Variants in SETBP1 observed in about 807,000 individuals in gnomAD.
SETBP1 encodes SET-binding protein.
Under a neutral mutation model 101.0 loss-of-function variants are expected in SETBP1, and 9 were observed. The observed-to-expected ratio is 0.09, with a 90% confidence interval of 0.05 to 0.16. SETBP1 has a LOEUF of 0.16. Among genes scored for constraint, SETBP1 ranks in the 10% least tolerant of loss-of-function variants. SETBP1 has a pLI of 1.00. For synonymous variants in SETBP1, 818 were observed against 788.5 expected, an observed-to-expected ratio of 1.04 and a Z score of -0.63; for missense variants, 1,858 against 2,033.8, an observed-to-expected ratio of 0.91 and a Z score of 1.66.
At chr18:45,059,547 C>T (rs1324666104) in intron 5 of SETBP1, among the ~76,000 whole-genome samples, 1 of 152,176 alleles carries the variant, frequency 6.6e-6, no homozygotes, top group African/African-American at 2.4e-5. Context: ...TGTCTAGAGT[C>T]TCCCACAGTC....
intron 3 of SETBP1, among the ~76,000 whole-genome samples, chr18:44,938,958 A>ATG (rs111916615): frequency 0.025 from 3,615 of 147,166 alleles, 67 homozygotes; most frequent in African/African-American, 0.039. Context: ...GAGTGTGTGC[A>ATG]TGTGTGTGTG....
At chr18:44,817,053 C>G (rs945505399) in intron 2 of SETBP1, among the ~76,000 whole-genome samples, 1 of 152,186 alleles carries the variant, frequency 6.6e-6, no homozygotes, top group Non-Finnish European at 1.5e-5. Flanking sequence ...GGTGCATACC[C>G]TCAATCGACA....
chr18:44,841,392 C>T (rs2072613120), intron 2 of SETBP1, among the ~76,000 whole-genome samples: 1 of 152,168 alleles, frequency 6.6e-6, no homozygotes, highest in African/African-American at 2.4e-5. Context: ...CCTTTATGAC[C>T]TTGTCTTGGA....
At chr18:44,994,453 A>G (rs1393908604) in intron 4 of SETBP1, among the ~76,000 whole-genome samples, 1 of 152,188 alleles carries the variant, frequency 6.6e-6, no homozygotes, top group Non-Finnish European at 1.5e-5. Flanking sequence ...GTTGACACAA[A>G]AATTTTGAAA....
chr18:44,849,160 A>G (rs2072794949), intron 2 of SETBP1, among the ~76,000 whole-genome samples: 1 of 152,184 alleles, frequency 6.6e-6, no homozygotes. Flanking sequence ...GGAAATTGGC[A>G]CAGAGCCCGT....
intron 2 of SETBP1, among the ~76,000 whole-genome samples, chr18:44,712,938 T>G (rs1297852526): frequency 6.7e-6 from 1 of 148,336 alleles, no homozygotes; most frequent in Non-Finnish European, 1.5e-5. Flanking sequence ...TGAGCATTTC[T>G]CTTTCAGCAT....
intron 3 of SETBP1, chr18:44,876,827 C>A (rs962533607): frequency 2.5e-5 from 36 of 1,432,928 alleles, no homozygotes; most frequent in Non-Finnish European, 3.3e-5. Context: ...GAGACTTGCC[C>A]AAGATTGTAA....
At chr18:44,849,127 T>C (rs549273190) in intron 2 of SETBP1, among the ~76,000 whole-genome samples, 64 of 152,192 alleles carry the variant, frequency 4.2e-4, no homozygotes, top group Admixed American at 1.2e-3. Flanking sequence ...TGCCAGAACG[T>C]CCCCCATCTG....
At chr18:44,824,922 CA>C (rs1198296275) in intron 2 of SETBP1, among the ~76,000 whole-genome samples, 1 of 152,234 alleles carries the variant, frequency 6.6e-6, no homozygotes, top group Non-Finnish European at 1.5e-5. Context: ...GGTCTTGCTG[CA>C]GCCATGGCGA....
chr18:44,769,320 C>G (rs947147587), intron 2 of SETBP1, among the ~76,000 whole-genome samples: 1 of 152,212 alleles, frequency 6.6e-6, no homozygotes, highest in African/African-American at 2.4e-5. Flanking sequence ...CAAGTCTTTA[C>G]TCTTTAGTAT....
chr18:44,787,194 T>C (rs2144709035), intron 2 of SETBP1, among the ~76,000 whole-genome samples: 1 of 152,332 alleles, frequency 6.6e-6, no homozygotes, highest in Middle Eastern at 3.4e-3. Context: ...GAAAGGGTGC[T>C]GGTGTGTAGG....
intron 3 of SETBP1, among the ~76,000 whole-genome samples, chr18:44,885,471 G>A (rs895527700): frequency 5.3e-5 from 8 of 151,982 alleles, no homozygotes; most frequent in Non-Finnish European, 1.0e-4. Context: ...AATATCTTGG[G>A]AAGCACACTG....
Position 44,964,187 on chromosome 18 carries a change from T to C in SETBP1, c.4000+10847T>C, listed in dbSNP as rs774786039. Among the ~76,000 whole-genome samples, 4 of 152,346 alleles carry C rather than the reference T, an allele frequency of 2.6e-5. No individual in the cohort carries two copies. In the East Asian group the frequency reaches 5.8e-4, roughly 22 times the overall value. On this transcript the variant is annotated intron_variant, in intron 4 of 5. Coordinates refer to ENST00000649279, the MANE Select transcript of SETBP1 (RefSeq NM_015559.3). ...CAATAGGCAAAAAAGGTTTCTCTTATATGCTTCTTTGTGCTGTTATATTTT... is the reference window on the plus strand; with the variant it reads ...CAATAGGCAAAAAAGGTTTCTCTTACATGCTTCTTTGTGCTGTTATATTTT...
intron 2 of SETBP1, among the ~76,000 whole-genome samples, chr18:44,759,613 A>G (rs1023851431): frequency 6.6e-6 from 1 of 152,126 alleles, no homozygotes; most frequent in African/African-American, 2.4e-5. Flanking sequence ...TGAGCTGGGG[A>G]GAGAAGCTTT....
At chr18:44,954,382 ATAG>A (rs1358400663) in intron 4 of SETBP1, among the ~76,000 whole-genome samples, 1 of 151,102 alleles carries the variant, frequency 6.6e-6, no homozygotes, top group Non-Finnish European at 1.5e-5. Flanking sequence ...CTGTTCCCAA[ATAG>A]TATAAAACCC....
At chr18:44,861,231 T>TTTC in intron 2 of SETBP1, among the ~76,000 whole-genome samples, 1 of 37,104 alleles carries the variant, frequency 2.7e-5, no homozygotes, top group Non-Finnish European at 4.9e-5. Flanking sequence ...TTTCTTTTCT[T>TTTC]TTTTTTTTTT....
intron 3 of SETBP1, among the ~76,000 whole-genome samples, chr18:44,889,761 T>G (rs1169290068): frequency 6.6e-6 from 1 of 152,158 alleles, no homozygotes. Context: ...ACAGATAAAT[T>G]TGAATGTTGG....
chr18:44,868,435 C>T (rs965145217), intron 2 of SETBP1, among the ~76,000 whole-genome samples: 1 of 152,008 alleles, frequency 6.6e-6, no homozygotes, highest in African/African-American at 2.4e-5. Context: ...TGGCTCACAC[C>T]TGTAATCCCA....
chr18:45,003,416 G>A (rs1301478742), intron 4 of SETBP1, among the ~76,000 whole-genome samples: 1 of 152,184 alleles, frequency 6.6e-6, no homozygotes, highest in Admixed American at 6.5e-5. Flanking sequence ...ATGTATGTAT[G>A]TGAGTTCAAG....
Sources: gnomAD v4.1 joint callset for allele counts (sites outside exome capture counted in the v4.1 genomes callset) on GRCh38, gnomAD v4.1.1 for gene constraint, MANE v1.5 for transcripts, NCBI Gene and HGNC (gene_info 2026-07-23, HGNC 2026-07-21) for gene names.